TEX11: variants seen among roughly 807,000 people sequenced by gnomAD.
The protein encoded by TEX11 is testis expressed 11.
A neutral mutation model predicts 84.4 loss-of-function variants in TEX11; 7 were observed. The ratio of observed to expected loss-of-function variants is 0.08; its 90% CI spans 0.05 to 0.16. The LOEUF (loss-of-function observed/expected upper bound fraction) is 0.16, where lower values mean the gene tolerates loss of function less well. Among genes scored for constraint, TEX11 ranks in the 10% least tolerant of loss-of-function variants. The probability of loss-of-function intolerance (pLI) is 1.00; values close to 1 mark genes in which losing one functional copy is unlikely to be tolerated. For synonymous variants in TEX11, 264 were observed against 222.8 expected, an observed-to-expected ratio of 1.18 and a Z score of -1.64; for missense variants, 551 against 660.5, an observed-to-expected ratio of 0.83 and a Z score of 1.82.
intron 13 of TEX11, among the ~76,000 whole-genome samples, chrX:70,692,679 G>GTATA (rs201316682): frequency 2.8e-5 from 3 of 106,435 alleles, no homozygotes; most frequent in Middle Eastern, 4.9e-3. Context: ...ATATATATAT[G>GTATA]TATATATATA....
At chrX:70,696,011 G>T (rs745441477) in intron 13 of TEX11, among the ~76,000 whole-genome samples, 85 of 111,665 alleles carry the variant, frequency 7.6e-4, no homozygotes, top group Non-Finnish European at 1.0e-3. Context: ...TAATAATAAT[G>T]ATCATTTTTC....
chrX:70,721,581 C>A (rs1159814080), intron 13 of TEX11, among the ~76,000 whole-genome samples: 1 of 111,872 alleles, frequency 8.9e-6, no homozygotes, highest in Admixed American at 9.5e-5. Flanking sequence ...TTAATCTATG[C>A]TGCCACGAAG....
chrX:70,767,444 C>A (rs1460000947), intron 9 of TEX11, among the ~76,000 whole-genome samples: 1 of 111,448 alleles, frequency 9.0e-6, no homozygotes, highest in African/African-American at 3.3e-5. Flanking sequence ...GGCTTATATC[C>A]AAAAGACAGG....
At chrX:70,772,817 A>G (rs1569436410) in intron 9 of TEX11, among the ~76,000 whole-genome samples, 1 of 110,395 alleles carries the variant, frequency 9.1e-6, no homozygotes, top group African/African-American at 3.3e-5. Context: ...TGAAACAGAA[A>G]TTTTGGAGCA....
At chrX:70,695,105 C>T (rs965211553) in intron 13 of TEX11, among the ~76,000 whole-genome samples, 4 of 112,117 alleles carry the variant, frequency 3.6e-5, no homozygotes, top group African/African-American at 1.3e-4. Context: ...ACCATCCAAA[C>T]CAGACTTTTC....
chrX:70,841,719 T>C (rs1239994068), intron 7 of TEX11, among the ~76,000 whole-genome samples: 10 of 111,393 alleles, frequency 9.0e-5, no homozygotes, highest in Non-Finnish European at 1.3e-4. Context: ...ATCAACGAAA[T>C]TGATAGACCG....
At chrX:70,612,716 G>A (rs1023683574) in intron 20 of TEX11, among the ~76,000 whole-genome samples, 1 of 111,464 alleles carries the variant, frequency 9.0e-6, no homozygotes, top group Non-Finnish European at 1.9e-5. Context: ...TATGTGTAAT[G>A]GGAATACCAG....
At chrX:70,695,288 C>T (rs1228477484) in intron 13 of TEX11, among the ~76,000 whole-genome samples, 2 of 112,197 alleles carry the variant, frequency 1.8e-5, no homozygotes. Context: ...GACTACTACT[C>T]AGCAATAAAA....
chrX:70,717,373 C>T (rs997542938), intron 13 of TEX11, among the ~76,000 whole-genome samples: 13 of 107,140 alleles, frequency 1.2e-4, no homozygotes, highest in Non-Finnish European at 3.8e-5. Context: ...GGCTGGAGTG[C>T]AATGGCGCGA....
chrX:70,516,096 C>T, the TEX11 span, among the ~76,000 whole-genome samples: 1 of 112,003 alleles, frequency 8.9e-6, no homozygotes, highest in Admixed American at 9.5e-5. Flanking sequence ...ATGGTAGTTT[C>T]TTTTGCTGTG....
intron 8 of TEX11, among the ~76,000 whole-genome samples, chrX:70,827,797 T>C (rs1425013837): frequency 8.9e-6 from 1 of 111,910 alleles, no homozygotes; most frequent in African/African-American, 3.2e-5. Flanking sequence ...ACACCTGGGT[T>C]GTGGGGGAAC....
the TEX11 span, among the ~76,000 whole-genome samples, chrX:70,512,242 A>G: frequency 4.5e-4 from 48 of 107,006 alleles, 4 homozygotes; most frequent in African/African-American, 1.6e-3. Context: ...TCTTCTTATT[A>G]TTATTATTTA....
At chrX:70,824,996 C>T (rs960354876) in intron 8 of TEX11, among the ~76,000 whole-genome samples, 4 of 111,226 alleles carry the variant, frequency 3.6e-5, no homozygotes, top group Non-Finnish European at 7.5e-5. Context: ...TAGACAAGAC[C>T]CAGAAGCCAA....
chrX:70,770,149 C>G (rs772006612), intron 9 of TEX11, among the ~76,000 whole-genome samples: 2 of 111,346 alleles, frequency 1.8e-5, no homozygotes, highest in South Asian at 3.8e-4. Context: ...GGGCCTCAGG[C>G]TGAGAAGAGA....
intron 16 of TEX11, among the ~76,000 whole-genome samples, chrX:70,661,762 T>C (rs1200327300): frequency 1.8e-5 from 2 of 111,742 alleles, no homozygotes; most frequent in Admixed American, 1.9e-4. Flanking sequence ...AAACAGGGTC[T>C]GGAGTGGACC....
At chrX:70,786,068 C>G (rs980290298) in intron 9 of TEX11, among the ~76,000 whole-genome samples, 56 of 111,977 alleles carry the variant, frequency 5.0e-4, no homozygotes, top group Non-Finnish European at 9.2e-4. Flanking sequence ...TGGAACCAAC[C>G]CAAATGTCCA....
chrX:70,840,706 C>A (rs761278982), intron 7 of TEX11, among the ~76,000 whole-genome samples: 18 of 111,325 alleles, frequency 1.6e-4, no homozygotes, highest in African/African-American at 5.9e-4. Context: ...AGAGTCAAGA[C>A]CCATCAGTGT....
chrX:70,749,236 G>A (rs1454581219), intron 9 of TEX11, among the ~76,000 whole-genome samples: 1 of 107,006 alleles, frequency 9.3e-6, no homozygotes, highest in African/African-American at 3.5e-5. Context: ...TGTTGTTGGT[G>A]TATAAGAATG....
intron 17 of TEX11, among the ~76,000 whole-genome samples, chrX:70,648,387 T>C (rs2089772536): frequency 9.1e-6 from 1 of 110,237 alleles, no homozygotes; most frequent in African/African-American, 3.3e-5. Context: ...GTTGTGCACA[T>C]GTACCCTGAA....
Sources: allele counts gnomAD v4.1 joint callset (sites outside exome capture counted in the v4.1 genomes callset), GRCh38; gene constraint gnomAD v4.1.1; transcripts MANE v1.5; gene names NCBI Gene and HGNC (gene_info 2026-07-23, HGNC 2026-07-21).